Variants in MGAT4C observed in about 807,000 individuals in gnomAD.
MGAT4C encodes the protein alpha-1,3-mannosyl-glycoprotein 4-beta-N-acetylglucosaminyltransferase C.
MGAT4C carries 19 observed loss-of-function variants against 40.1 expected under a neutral mutation model. The observed-to-expected ratio is 0.47, with a 90% CI of 0.33 to 0.70. The LOEUF (loss-of-function observed/expected upper bound fraction) is 0.70, where lower values mean the gene tolerates loss of function less well. Ranked by LOEUF, MGAT4C falls within the 30% of genes least tolerant of loss-of-function variation. The pLI is 0.02. For missense variants in MGAT4C, 491 were observed against 563.2 expected (o/e 0.87, Z 1.30); for synonymous variants, 181 against 187.1 (o/e 0.97, Z 0.27).
intron 2 of MGAT4C, among the ~76,000 whole-genome samples, chr12:86,677,196 AG>A (rs1264105351): frequency 1.3e-5 from 2 of 152,182 alleles, no homozygotes; most frequent in Non-Finnish European, 2.9e-5. Context: ...GAAATCATAA[AG>A]GCCTTCCTGA....
chr12:86,623,238 C>T (rs180745941), intron 2 of MGAT4C, among the ~76,000 whole-genome samples: 1 of 151,974 alleles, frequency 6.6e-6, no homozygotes, highest in Non-Finnish European at 1.5e-5. Flanking sequence ...AGATCAGGAC[C>T]AAGAATATGG....
chr12:86,044,003 A>T (rs1294065447), intron 2 of MGAT4C, among the ~76,000 whole-genome samples: 1 of 152,166 alleles, frequency 6.6e-6, no homozygotes, highest in Non-Finnish European at 1.5e-5. Context: ...GTGCAGGCTG[A>T]TGTTTCTTCA....
intron 2 of MGAT4C, among the ~76,000 whole-genome samples, chr12:86,443,369 A>G (rs1013888106): frequency 3.3e-5 from 5 of 152,198 alleles, no homozygotes; most frequent in African/African-American, 1.2e-4. Context: ...ATTTTGTCAT[A>G]GAAGCATGCT....
At chr12:86,661,190 A>G (rs1170232412) in intron 2 of MGAT4C, among the ~76,000 whole-genome samples, 1 of 152,196 alleles carries the variant, frequency 6.6e-6, no homozygotes. Flanking sequence ...AAAAATGTAA[A>G]GAAAACAAAA....
intron 2 of MGAT4C, among the ~76,000 whole-genome samples, chr12:86,649,496 T>A (rs1963637428): frequency 1.3e-5 from 2 of 151,784 alleles, no homozygotes; most frequent in South Asian, 4.1e-4. Context: ...GAATAAGGAT[T>A]ATGCAGAGAC....
rs111449435 is a variant in MGAT4C, at chr12:86,476,555, C to G, written c.-228-41290G>C. On this transcript the variant is annotated intron_variant, in intron 2 of 7. Coordinates refer to the MGAT4C transcript ENST00000548651. ...AGAACTTAAAACAGAACTACCATTT[C>G]ACCCAGCCATCCCACTCCTGGGTTT... Among the ~76,000 whole-genome samples, 497 of 152,034 alleles carry G rather than the reference C, an allele frequency of 3.3e-3. 2 individuals carry two copies. The highest frequency in any genetic ancestry group is 0.012 in the African/African-American group (481 of 41,504).
At chr12:86,048,386 T>C (rs1358457700) in intron 2 of MGAT4C, among the ~76,000 whole-genome samples, 1 of 152,024 alleles carries the variant, frequency 6.6e-6, no homozygotes, top group Non-Finnish European at 1.5e-5. Context: ...CCTGAGTGAA[T>C]GTGATCATTC....
At position 86,834,171 on chromosome 12, in the gene MGAT4C, GATAGATATAGATATAGATATAGAT is replaced by G. The variant is rs63091261; in HGVS notation, c.-262+4471_-262+4494del. Among the ~76,000 whole-genome samples, 1,257 of 147,306 alleles carry G rather than the reference GATAGATATAGATATAGATATAGAT, an allele frequency of 8.5e-3. 13 individuals are homozygous for G. The highest frequency in any genetic ancestry group is 0.03 in the African/African-American group (1,180 of 39,914). On this transcript the variant is annotated intron_variant, in intron 1 of 7. Transcript: ENST00000548651. ...ACAGATCTATCTATAGATAGAGATAGATAGATATAGATATAGATATAGATATAGATATAGATATAGATATAGGTC... is the reference window on the plus strand; with the variant it reads ...ACAGATCTATCTATAGATAGAGATAGATAGATATAGATATAGATATAGGTC...
chr12:86,668,885 A>G (rs1964180422), intron 2 of MGAT4C, among the ~76,000 whole-genome samples: 1 of 152,246 alleles, frequency 6.6e-6, no homozygotes, highest in Middle Eastern at 3.4e-3. Context: ...GTGTTTAAGC[A>G]GGGCCCTCTC....
chr12:86,767,153 A>G (rs948098471), intron 1 of MGAT4C, among the ~76,000 whole-genome samples: 2 of 152,198 alleles, frequency 1.3e-5, no homozygotes, highest in Non-Finnish European at 1.5e-5. Flanking sequence ...GAAGAATCAA[A>G]TAGACACAAT....
At chr12:86,492,456 C>A (rs1046562669) in intron 2 of MGAT4C, among the ~76,000 whole-genome samples, 3 of 152,076 alleles carry the variant, frequency 2.0e-5, no homozygotes. Flanking sequence ...AGATACAGAT[C>A]AATGGAACAG....
chr12:86,311,240 A>G (rs990814476), intron 4 of MGAT4C, among the ~76,000 whole-genome samples: 2 of 152,168 alleles, frequency 1.3e-5, no homozygotes, highest in African/African-American at 4.8e-5. Context: ...TAGCCTATTG[A>G]TGCTTGGCTA....
chr12:86,801,912 C>T (rs375306744), intron 1 of MGAT4C, among the ~76,000 whole-genome samples: 9 of 150,188 alleles, frequency 6.0e-5, no homozygotes, highest in African/African-American at 2.2e-4. Flanking sequence ...TAGTGATTTG[C>T]CATGGGAATT....
chr12:86,691,073 C>T (rs1289415388), intron 2 of MGAT4C, among the ~76,000 whole-genome samples: 1 of 152,164 alleles, frequency 6.6e-6, no homozygotes, highest in Non-Finnish European at 1.5e-5. Context: ...TTATTCAACA[C>T]CTAAACTTTT....
At chr12:86,191,762 G>GTGTGTGTGTGTT (rs1889518289) in intron 1 of MGAT4C, among the ~76,000 whole-genome samples, 1 of 143,672 alleles carries the variant, frequency 7.0e-6, no homozygotes, top group Non-Finnish European at 1.5e-5. Context: ...GTGTGTGTGT[G>GTGTGTGTGTGTT]TGTGTGTGTG....
At chr12:86,004,253 G>A (rs1175537788) in intron 2 of MGAT4C, among the ~76,000 whole-genome samples, 1 of 152,002 alleles carries the variant, frequency 6.6e-6, no homozygotes, top group Non-Finnish European at 1.5e-5. Context: ...ATTTTTGTAT[G>A]GGCAAACATT....
intron 4 of MGAT4C, among the ~76,000 whole-genome samples, chr12:86,326,075 TAGAATA>T (rs1954520136): frequency 6.6e-6 from 1 of 152,076 alleles, no homozygotes; most frequent in Admixed American, 6.6e-5. Flanking sequence ...GCCTATTATT[TAGAATA>T]AGAATAATAT....
rs113272390 is a variant in MGAT4C at position 86,394,296 on chromosome 12, C to T, written c.-120+40861G>A. ...GACATACTAATGGATGAAATAGATA[C>T]CTTGGGTAAAATTGGTTGTTGAAAA... is the stretch of plus-strand genomic sequence containing the variant. On this transcript the variant is annotated intron_variant, in intron 3 of 7. Coordinates refer to the MGAT4C transcript ENST00000548651. Among the ~76,000 whole-genome samples the T allele has an allele frequency of 5.3e-3, 801 of 151,808 alleles. 3 individuals carry two copies. The highest frequency in any genetic ancestry group is 0.019 in the African/African-American group (770 of 41,432).
chr12:86,455,682 GTTAAA>G (rs1291790071), intron 2 of MGAT4C, among the ~76,000 whole-genome samples: 53 of 152,140 alleles, frequency 3.5e-4, no homozygotes, highest in African/African-American at 1.2e-3. Flanking sequence ...AAACAATAAT[GTTAAA>G]TTAGACAATA....
Sources: gnomAD v4.1 joint callset for allele counts (sites outside exome capture counted in the v4.1 genomes callset) on GRCh38, gnomAD v4.1.1 for gene constraint, MANE v1.5 for transcripts, NCBI Gene and HGNC (gene_info 2026-07-23, HGNC 2026-07-21) for gene names.